Variants in VPS53 observed in about 807,000 individuals in gnomAD.
VPS53 encodes the protein vacuolar protein sorting-associated protein 53 homolog.
A neutral mutation model predicts 107.0 loss-of-function variants in VPS53; 70 were observed. The observed-to-expected ratio is 0.65, with a 90% CI of 0.54 to 0.80. The LOEUF is 0.80. Among genes scored for constraint, VPS53 ranks in the 30% least tolerant of loss-of-function variants. The pLI, the probability that VPS53 is intolerant of heterozygous loss-of-function variation, is 0.00. For synonymous variants in VPS53, 409 were observed against 393.3 expected (o/e 1.04, Z -0.47); for missense variants, 917 against 1,049.4 (o/e 0.87, Z 1.74).
At chr17:551,994 G>T in intron 16 of VPS53, 44 bp from the exon 17 acceptor site, 3 of 1,513,590 alleles carry the variant, frequency 2.0e-6, no homozygotes, top group Non-Finnish European at 1.8e-6. Context: ...TCAAACAACG[G>T]CCGTCTGAAT....
intron 5 of VPS53, among the ~76,000 whole-genome samples, chr17:660,515 A>G (rs1410058162): frequency 6.6e-6 from 1 of 152,218 alleles, no homozygotes. Flanking sequence ...ACTCCAGAAC[A>G]CAGATTAGCA....
chr17:621,831 G>A (rs1337416616), intron 11 of VPS53, among the ~76,000 whole-genome samples: 2 of 152,010 alleles, frequency 1.3e-5, no homozygotes, highest in Admixed American at 1.3e-4. Flanking sequence ...CCAAAAGAAC[G>A]TTGTTCTCTT....
At chr17:550,503 T>C (rs1198733162) in intron 17 of VPS53, among the ~76,000 whole-genome samples, 1 of 152,222 alleles carries the variant, frequency 6.6e-6, no homozygotes, top group Admixed American at 6.5e-5. Context: ...TAAAGGAACA[T>C]GGCTGTATTC....
intron 19 of VPS53, among the ~76,000 whole-genome samples, chr17:527,616 A>G (rs886574084): frequency 2.0e-5 from 3 of 152,076 alleles, no homozygotes; most frequent in African/African-American, 7.2e-5. Context: ...ACTCTTTTAA[A>G]TTATTATTAT....
intron 13 of VPS53, among the ~76,000 whole-genome samples, chr17:576,524 A>C (rs1914627367): frequency 6.6e-6 from 1 of 151,762 alleles, no homozygotes; most frequent in Admixed American, 6.6e-5. Context: ...TCAGGAGCTA[A>C]TGCATTCCCA....
intron 14 of VPS53, among the ~76,000 whole-genome samples, chr17:561,677 T>C (rs1011730566): frequency 2.0e-5 from 3 of 152,234 alleles, no homozygotes; most frequent in African/African-American, 7.2e-5. Flanking sequence ...ATGCCCAGGC[T>C]GGAGTGCAAT....
At chr17:533,677 A>G (rs1909780722) in intron 18 of VPS53, among the ~76,000 whole-genome samples, 1 of 151,974 alleles carries the variant, frequency 6.6e-6, no homozygotes, top group Non-Finnish European at 1.5e-5. Context: ...CTCCACCCTC[A>G]CATCTAACCT....
chr17:714,434 G>A, intron 1 of VPS53, 189 bp downstream of exon 1: 1 of 602,476 alleles, frequency 1.7e-6, no homozygotes, highest in Admixed American at 3.0e-5. Flanking sequence ...TCAAAGCCTA[G>A]AAAGGGTTCT....
chr17:713,764 G>A (rs1334428778), intron 1 of VPS53, among the ~76,000 whole-genome samples: 1 of 152,042 alleles, frequency 6.6e-6, no homozygotes, highest in Non-Finnish European at 1.5e-5. Flanking sequence ...GCAGGGCCGC[G>A]CGTGGTGGCT....
chr17:677,359 A>G (rs547318506), intron 4 of VPS53, among the ~76,000 whole-genome samples: 1 of 152,360 alleles, frequency 6.6e-6, no homozygotes, highest in African/African-American at 2.4e-5. Flanking sequence ...AGGGTCAAAT[A>G]TTGTAGAATT....
chr17:679,148 G>A (rs1281861444), intron 4 of VPS53, among the ~76,000 whole-genome samples: 1 of 152,164 alleles, frequency 6.6e-6, no homozygotes. Flanking sequence ...CAAGTCCTCT[G>A]AGAAGGCCTA....
intron 17 of VPS53, among the ~76,000 whole-genome samples, chr17:544,679 C>A (rs995696904): frequency 2.6e-5 from 4 of 152,180 alleles, no homozygotes; most frequent in Non-Finnish European, 4.4e-5. Context: ...ATAGCATAGC[C>A]ATCTGATGAA....
At chr17:673,619 G>A (rs900680732) in intron 4 of VPS53, 11 of 152,204 alleles carry the variant, frequency 7.2e-5, no homozygotes, top group African/African-American at 2.7e-4. Flanking sequence ...GGACTGCCCT[G>A]GTCAAATGCC....
intron 4 of VPS53, among the ~76,000 whole-genome samples, chr17:663,723 C>A (rs1971566425): frequency 6.6e-6 from 1 of 152,236 alleles, no homozygotes; most frequent in African/African-American, 2.4e-5. Flanking sequence ...AGGCACGAGT[C>A]AGCATCTCCT....
chr17:560,866 G>C (rs1912887010), intron 14 of VPS53, among the ~76,000 whole-genome samples: 1 of 152,208 alleles, frequency 6.6e-6, no homozygotes. Context: ...CTTTAGCTTG[G>C]AATCTCCTGA....
intron 13 of VPS53, among the ~76,000 whole-genome samples, chr17:563,976 G>T (rs890861157): frequency 1.3e-4 from 20 of 152,268 alleles, no homozygotes; most frequent in African/African-American, 4.6e-4. Context: ...CGGGCAGAGT[G>T]TGGTGGCTCA....
At chr17:591,237 T>C (rs1213129378) in intron 12 of VPS53, among the ~76,000 whole-genome samples, 1 of 152,214 alleles carries the variant, frequency 6.6e-6, no homozygotes, top group East Asian at 1.9e-4. Context: ...CCCTTTGTCA[T>C]TTTTTATTGC....
chr17:550,482 T>C (rs1012178100), intron 17 of VPS53, among the ~76,000 whole-genome samples: 5 of 152,204 alleles, frequency 3.3e-5, no homozygotes, highest in Admixed American at 6.5e-5. Flanking sequence ...CAGCCATAGA[T>C]AATACATAAA....
chr17:702,433 G>A (rs1210667595), intron 2 of VPS53, among the ~76,000 whole-genome samples: 1 of 151,884 alleles, frequency 6.6e-6, no homozygotes, highest in Non-Finnish European at 1.5e-5. Context: ...TGAGGCCGAG[G>A]TGGGCGGATC....
Sources: allele counts gnomAD v4.1 joint callset (sites outside exome capture counted in the v4.1 genomes callset), GRCh38; gene constraint gnomAD v4.1.1; transcripts MANE v1.5; gene names NCBI Gene and HGNC (gene_info 2026-07-23, HGNC 2026-07-21).